Variants in CTNNA2 observed in about 807,000 individuals in gnomAD.
The protein encoded by CTNNA2 is catenin alpha-2.
A neutral mutation model predicts 101.0 loss-of-function variants in CTNNA2; 42 were observed. That is an observed-to-expected ratio of 0.42 (90% CI 0.32 to 0.54). CTNNA2 has a LOEUF of 0.54. Ranked by LOEUF, CTNNA2 falls within the 20% of genes least tolerant of loss-of-function variation. CTNNA2 has a pLI of 0.14. For synonymous variants in CTNNA2, 450 were observed against 456.4 expected, an observed-to-expected ratio of 0.99 and a Z score of 0.18; for missense variants, 871 against 1,223.1, an observed-to-expected ratio of 0.71 and a Z score of 4.29.
chr2:79,916,219 G>A (rs548252786), intron 7 of CTNNA2, among the ~76,000 whole-genome samples: 6 of 152,278 alleles, frequency 3.9e-5, no homozygotes, highest in Non-Finnish European at 7.3e-5. Flanking sequence ...GGGCAATCGA[G>A]ATCGAATGTT....
intron 9 of CTNNA2, among the ~76,000 whole-genome samples, chr2:80,441,906 TC>T (rs1376895280): frequency 1.3e-5 from 2 of 152,198 alleles, no homozygotes; most frequent in Non-Finnish European, 2.9e-5. Flanking sequence ...TGAGCCATTT[TC>T]CTAGGTCAAA....
At chr2:79,350,761 A>G (rs1321721407) in intron 3 of CTNNA2, among the ~76,000 whole-genome samples, 1 of 152,214 alleles carries the variant, frequency 6.6e-6, no homozygotes, top group Non-Finnish European at 1.5e-5. Context: ...CAAACAGTGT[A>G]TAGTCATTCC....
intron 7 of CTNNA2, among the ~76,000 whole-genome samples, chr2:80,362,184 G>T (rs929191380): frequency 6.6e-6 from 1 of 152,112 alleles, no homozygotes; most frequent in African/African-American, 2.4e-5. Context: ...TGATAAGGAT[G>T]CTTTCTTCCT....
intron 1 of CTNNA2, among the ~76,000 whole-genome samples, chr2:79,613,742 A>C (rs1266452045): frequency 1.3e-5 from 2 of 152,088 alleles, no homozygotes; most frequent in African/African-American, 4.8e-5. Flanking sequence ...AAAGTCTCCA[A>C]CTCCTGATCT....
intron 2 of CTNNA2, among the ~76,000 whole-genome samples, chr2:79,663,433 C>T (rs1330437580): frequency 6.6e-6 from 1 of 152,182 alleles, no homozygotes; most frequent in Non-Finnish European, 1.5e-5. Flanking sequence ...GCTGGTGGCC[C>T]TTCAATCACA....
At chr2:79,984,813 C>T (rs1361597633) in intron 7 of CTNNA2, among the ~76,000 whole-genome samples, 2 of 152,120 alleles carry the variant, frequency 1.3e-5, no homozygotes, top group Non-Finnish European at 2.9e-5. Context: ...GCACTGTGAC[C>T]TATCTAATAT....
rs375645223 is a variant in CTNNA2, at chr2:80,601,417, C to CTTTTTTTTTTTTTTTTTT, written c.2190-2654_2190-2653insTTTTTTTTTTTTTTTTTT. Reference sequence around the variant, plus strand: ...GATTTAATGACTTTTTTCTTTCTTTCTTTCTTTTTTTTTTTTTTTGATGAG... The same window carrying CTTTTTTTTTTTTTTTTTT: ...GATTTAATGACTTTTTTCTTTCTTTCTTTTTTTTTTTTTTTTTTTTTCTTTTTTTTTTTTTTTGATGAG... On this transcript the variant is annotated intron_variant, in intron 15 of 18. Coordinates refer to ENST00000402739, the MANE Select transcript of CTNNA2 (RefSeq NM_001282597.3). 1.3e-3 allele frequency among the ~76,000 whole-genome samples: 126 copies of CTTTTTTTTTTTTTTTTTT among 94,132 alleles called. 4 individuals are homozygous for CTTTTTTTTTTTTTTTTTT. Among genetic ancestry groups the CTTTTTTTTTTTTTTTTTT allele is most frequent in the Middle Eastern group, 6.3e-3 (1 of 158 alleles). The allele number at this position is 94,132 out of a possible 152,430, so 61.8% of individuals were successfully genotyped here.
chr2:80,261,900 C>T (rs1204442704), intron 7 of CTNNA2, among the ~76,000 whole-genome samples: 1 of 152,128 alleles, frequency 6.6e-6, no homozygotes, highest in African/African-American at 2.4e-5. Context: ...CATGTTATTA[C>T]ACATTGCTAA....
intron 9 of CTNNA2, among the ~76,000 whole-genome samples, chr2:80,507,289 A>G (rs905543982): frequency 7.2e-6 from 1 of 138,404 alleles, no homozygotes; most frequent in South Asian, 2.5e-4. Flanking sequence ...TACCACCACC[A>G]TCATCACCTA....
intron 9 of CTNNA2, among the ~76,000 whole-genome samples, chr2:80,536,236 T>G (rs755017304): frequency 1.3e-5 from 2 of 152,176 alleles, no homozygotes; most frequent in Non-Finnish European, 2.9e-5. Context: ...CGCAGCACTT[T>G]TCATTGTGAT....
intron 12 of CTNNA2, among the ~76,000 whole-genome samples, chr2:80,569,633 G>GTTGTTTTTTTTTT (rs1694376557): frequency 1.9e-5 from 1 of 51,718 alleles, no homozygotes; most frequent in African/African-American, 6.1e-5. Context: ...GGGTATTTAG[G>GTTGTTTTTTTTTT]TTTTTTTTTT....
At chr2:79,820,805 T>A (rs1239771189) in intron 3 of CTNNA2, among the ~76,000 whole-genome samples, 1 of 152,190 alleles carries the variant, frequency 6.6e-6, no homozygotes, top group Non-Finnish European at 1.5e-5. Context: ...AGATCTGAAA[T>A]TTGGACATAG....
At chr2:79,947,926 A>G (rs948297169) in intron 7 of CTNNA2, among the ~76,000 whole-genome samples, 9 of 152,294 alleles carry the variant, frequency 5.9e-5, no homozygotes, top group African/African-American at 1.9e-4. Flanking sequence ...TGAAGGCAGC[A>G]ACTCAGGGGA....
chr2:79,408,463 C>T (rs983193798), intron 4 of CTNNA2, among the ~76,000 whole-genome samples: 3 of 134,548 alleles, frequency 2.2e-5, no homozygotes, highest in Non-Finnish European at 4.7e-5. Flanking sequence ...CCTCCCCTCA[C>T]CCCACAAGAG....
chr2:80,045,234 CTAATTG>C (rs1696436622), intron 7 of CTNNA2, among the ~76,000 whole-genome samples: 1 of 152,158 alleles, frequency 6.6e-6, no homozygotes, highest in African/African-American at 2.4e-5. Flanking sequence ...TAAAGCAGTC[CTAATTG>C]TACCCAAGAG....
intron 6 of CTNNA2, among the ~76,000 whole-genome samples, chr2:79,902,689 C>A (rs1685142904): frequency 6.7e-6 from 1 of 149,874 alleles, no homozygotes; most frequent in Non-Finnish European, 1.5e-5. Context: ...TGCAGTGGTG[C>A]GAGCTCAGCT....
intron 7 of CTNNA2, among the ~76,000 whole-genome samples, chr2:79,971,134 A>G (rs1452707109): frequency 6.6e-6 from 1 of 151,934 alleles, no homozygotes; most frequent in Non-Finnish European, 1.5e-5. Flanking sequence ...CTATCCTTCT[A>G]CCTAAGGCTG....
chr2:80,545,629 T>C (rs1300581753), intron 10 of CTNNA2, among the ~76,000 whole-genome samples: 1 of 152,238 alleles, frequency 6.6e-6, no homozygotes, highest in Non-Finnish European at 1.5e-5. Flanking sequence ...AAGCAAGAGT[T>C]GCATTTCTGC....
At chr2:79,339,922 A>T (rs1350079185) in intron 3 of CTNNA2, 2 of 152,198 alleles carry the variant, frequency 1.3e-5, no homozygotes, top group Non-Finnish European at 2.9e-5. Context: ...CTATCAACTC[A>T]TTGGCATTTG....
Sources: gnomAD v4.1 joint callset for allele counts (sites outside exome capture counted in the v4.1 genomes callset) on GRCh38, gnomAD v4.1.1 for gene constraint, MANE v1.5 for transcripts, NCBI Gene and HGNC (gene_info 2026-07-23, HGNC 2026-07-21) for gene names.